The following TMEM132D variants were observed in gnomAD, a reference collection of about 807,000 sequenced individuals.
TMEM132D encodes transmembrane protein 132D, also known as mature OL transmembrane protein.
A neutral mutation model predicts 62.3 loss-of-function variants in TMEM132D; 21 were observed. The observed-to-expected ratio is 0.34, with a 90% confidence interval of 0.24 to 0.49. The LOEUF (loss-of-function observed/expected upper bound fraction) is 0.49. TMEM132D is among the 20% of genes least tolerant of loss of function. TMEM132D has a pLI of 0.99. For synonymous variants in TMEM132D, 621 were observed against 575.6 expected (o/e 1.08, Z -1.13); for missense variants, 1,346 against 1,402.8 (o/e 0.96, Z 0.65).
intron 5 of TMEM132D, among the ~76,000 whole-genome samples, chr12:129,191,095 A>G (rs1162401681): frequency 6.6e-6 from 1 of 152,072 alleles, no homozygotes; most frequent in African/African-American, 2.4e-5. Context: ...TCTCCAAGGG[A>G]CGTGGGCCTT....
At chr12:129,266,995 C>T (rs959899308) in intron 4 of TMEM132D, among the ~76,000 whole-genome samples, 10 of 152,118 alleles carry the variant, frequency 6.6e-5, no homozygotes, top group African/African-American at 2.2e-4. Flanking sequence ...AAAAGTCCTC[C>T]AGCTGCTTCT....
chr12:129,580,884 C>A (rs1230800944), intron 2 of TMEM132D, among the ~76,000 whole-genome samples: 1 of 152,090 alleles, frequency 6.6e-6, no homozygotes, highest in African/African-American at 2.4e-5. Flanking sequence ...AAATTGACAT[C>A]AGATAATGAT....
At chr12:129,274,390 T>C (rs1240944556) in intron 4 of TMEM132D, among the ~76,000 whole-genome samples, 1 of 152,170 alleles carries the variant, frequency 6.6e-6, no homozygotes, top group Non-Finnish European at 1.5e-5. Flanking sequence ...CATGGCGAGG[T>C]ACAGGTCTTC....
At chr12:129,329,033 A>AATATATAT (rs201004813) in intron 4 of TMEM132D, among the ~76,000 whole-genome samples, 3 of 147,578 alleles carry the variant, frequency 2.0e-5, no homozygotes, top group Admixed American at 6.8e-5. Context: ...ATATGTAAAG[A>AATATATAT]ATATATATAT....
chr12:129,841,934 T>G (rs1448154004), intron 1 of TMEM132D, among the ~76,000 whole-genome samples: 2 of 104,652 alleles, frequency 1.9e-5, no homozygotes, highest in Non-Finnish European at 4.0e-5. Context: ...GGTTTTCGTG[T>G]TTTTTTTTTT....
chr12:129,706,103 A>G (rs538547649), intron 1 of TMEM132D, among the ~76,000 whole-genome samples: 4 of 152,218 alleles, frequency 2.6e-5, no homozygotes, highest in Middle Eastern at 3.4e-3. Flanking sequence ...CAAAAATAGA[A>G]AACAAAATAT....
intron 2 of TMEM132D, among the ~76,000 whole-genome samples, chr12:129,554,809 G>C (rs570197244): frequency 6.6e-6 from 1 of 152,284 alleles, no homozygotes; most frequent in African/African-American, 2.4e-5. Flanking sequence ...CTTGAGTCCA[G>C]CTTCCTACAA....
chr12:129,432,515 A>G (rs1261449047), intron 3 of TMEM132D, among the ~76,000 whole-genome samples: 5 of 152,246 alleles, frequency 3.3e-5, no homozygotes, highest in Non-Finnish European at 1.5e-5. Flanking sequence ...TATAAGTAAG[A>G]CAACTTTTCT....
chr12:129,123,874 A>C (rs952888363), intron 5 of TMEM132D, among the ~76,000 whole-genome samples: 1 of 151,998 alleles, frequency 6.6e-6, no homozygotes, highest in African/African-American at 2.4e-5. Flanking sequence ...AGGCCTTTGG[A>C]TTCAGAATGC....
intron 3 of TMEM132D, among the ~76,000 whole-genome samples, chr12:129,438,813 A>G (rs1872861014): frequency 6.6e-6 from 1 of 152,230 alleles, no homozygotes; most frequent in Non-Finnish European, 1.5e-5. Context: ...CTACATCACC[A>G]TTCAATTAAG....
intron 3 of TMEM132D, among the ~76,000 whole-genome samples, chr12:129,430,516 T>G (rs1872625784): frequency 6.6e-6 from 1 of 152,156 alleles, no homozygotes; most frequent in Non-Finnish European, 1.5e-5. Flanking sequence ...GGGGTCCCAC[T>G]GGTCTCAGAC....
intron 1 of TMEM132D, among the ~76,000 whole-genome samples, chr12:129,792,147 C>T (rs1392061837): frequency 6.6e-6 from 1 of 152,180 alleles, no homozygotes; most frequent in East Asian, 1.9e-4. Context: ...GACTGAACAT[C>T]CCACTGTCAA....
At chr12:129,235,841 A>C (rs1442669197) in intron 4 of TMEM132D, among the ~76,000 whole-genome samples, 1 of 151,934 alleles carries the variant, frequency 6.6e-6, no homozygotes, top group Non-Finnish European at 1.5e-5. Context: ...GTCTTTTGTG[A>C]TCTTATATAA....
At position 129,700,683 on chromosome 12, in the gene TMEM132D, C is replaced by A. The variant is rs1881366696; in HGVS notation, c.95G>T (p.Gly32Val). 1.2e-6 allele frequency: 2 copies of A among 1,609,068 alleles called. No homozygotes were observed. Among genetic ancestry groups the A allele is most frequent in the Non-Finnish European group, 1.7e-6 (2 of 1,177,510 alleles). ...AAACCTCTGGATGCTCTCAAGGATC[C>A]CTCGACCTTCCGTCACTGTGGGGAG... ...ALFSKVTEGR[G>V]ILESIQRFSL... Residue 32 changes from glycine to valine, a missense_variant, in exon 2 of 9, where the codon GGG becomes GTG. Transcript: ENST00000422113.
At chr12:129,244,348 T>A (rs1274795370) in intron 4 of TMEM132D, among the ~76,000 whole-genome samples, 2 of 141,140 alleles carry the variant, frequency 1.4e-5, no homozygotes, top group Non-Finnish European at 3.0e-5. Context: ...ATCGCGCCAC[T>A]GCACTCCAGC....
intron 2 of TMEM132D, among the ~76,000 whole-genome samples, chr12:129,533,733 T>C (rs1303043753): frequency 6.6e-6 from 1 of 152,226 alleles, no homozygotes; most frequent in African/African-American, 2.4e-5. Context: ...AATGAAGCTA[T>C]AGTCGGTAGC....
chr12:129,787,860 C>T (rs1871284926), intron 1 of TMEM132D, among the ~76,000 whole-genome samples: 1 of 152,198 alleles, frequency 6.6e-6, no homozygotes, highest in Admixed American at 6.5e-5. Flanking sequence ...GCAGCTGGAT[C>T]CTGCAGGGAA....
At chr12:129,752,794 T>C (rs10847935) in intron 1 of TMEM132D, among the ~76,000 whole-genome samples, 135,201 of 152,174 alleles carry the variant, frequency 0.89, 62,269 homozygotes, top group East Asian at 1. Flanking sequence ...TACATAAGCT[T>C]TTGTCATGGC....
chr12:129,284,443 G>A (rs1035486158), intron 4 of TMEM132D, among the ~76,000 whole-genome samples: 1 of 152,222 alleles, frequency 6.6e-6, no homozygotes. Context: ...TGATGTCTCT[G>A]AACAAACTTG....
Sources: gnomAD v4.1 joint callset for allele counts (sites outside exome capture counted in the v4.1 genomes callset) on GRCh38, gnomAD v4.1.1 for gene constraint, MANE v1.5 for transcripts, NCBI Gene and HGNC (gene_info 2026-07-23, HGNC 2026-07-21) for gene names.